The following KIAA0825 variants were observed in gnomAD, a reference collection of about 807,000 sequenced individuals.
KIAA0825 encodes the protein KIAA0825, also known as uncharacterized protein KIAA0825.
A neutral mutation model predicts 147.6 loss-of-function variants in KIAA0825; 119 were observed. That is an observed-to-expected ratio of 0.81 (90% confidence interval 0.69 to 0.94). KIAA0825 has a LOEUF of 0.94. KIAA0825 is among the 40% of genes least tolerant of loss of function. The probability of loss-of-function intolerance (pLI) is 0.00; values close to 1 mark genes in which losing one functional copy is unlikely to be tolerated. For synonymous variants in KIAA0825, 470 were observed against 518.1 expected, an observed-to-expected ratio of 0.91 and a Z score of 1.26; for missense variants, 1,381 against 1,472.7, an observed-to-expected ratio of 0.94 and a Z score of 1.02.
Position 94,462,545 on chromosome 5 carries a change from T to C in KIAA0825, c.2088A>G (p.Ile696Met), listed in dbSNP as rs187593405. ...CTGACCATAACATGTTCTCAGTGCA[T>C]ATCAAAATTGTTGTGACATCAAGTC... ...QLRLDVTTILICTENMLWSVC... is the reference protein window; with the variant it reads ...QLRLDVTTILMCTENMLWSVC... Residue 696 changes from isoleucine (I) to methionine (M), a missense_variant, in exon 12 of 21, where the codon ATA becomes ATG. Transcript: ENST00000682413. The C allele has an allele frequency of 1.1e-5, 17 of 1,510,200 alleles. No individual in the cohort carries two copies. The Admixed American group carries it at 2.1e-4, about 19-fold the overall frequency. The allele number at this position is 1,510,200 out of a possible 1,614,324, so 93.5% of individuals were successfully genotyped here. A position where few individuals can be genotyped will look rare whatever the true frequency, so the allele number is the denominator to read the frequency against.
chr5:94,202,912 G>T (rs1771829421), intron 20 of KIAA0825, among the ~76,000 whole-genome samples: 1 of 152,072 alleles, frequency 6.6e-6, no homozygotes, highest in Non-Finnish European at 1.5e-5. Context: ...TTCTGAGATG[G>T]TGATTTTCAA....
At chr5:94,246,559 A>G (rs890556223) in intron 20 of KIAA0825, among the ~76,000 whole-genome samples, 2 of 152,150 alleles carry the variant, frequency 1.3e-5, no homozygotes, top group East Asian at 1.9e-4. Flanking sequence ...ACTGTTACAT[A>G]TGCATTACCT....
chr5:94,267,640 T>C (rs1776793964), intron 20 of KIAA0825, among the ~76,000 whole-genome samples: 1 of 152,198 alleles, frequency 6.6e-6, no homozygotes, highest in East Asian at 1.9e-4. Context: ...ACCACTCCTT[T>C]ATGAATTTAT....
At position 94,524,111 on chromosome 5, in the gene KIAA0825, G is replaced by A. The variant is rs1181227138; in HGVS notation, c.132-13C>T. Reference sequence around the variant, plus strand: ...GCAATGTTTTATGCTATAAAAAACAGAAGAAAAAGTTATTTTGGCAGGATA... The same window carrying A: ...GCAATGTTTTATGCTATAAAAAACAAAAGAAAAAGTTATTTTGGCAGGATA... On this transcript the variant is annotated splice_polypyrimidine_tract_variant and intron_variant, in intron 3 of 20. Transcript: ENST00000682413. The A allele has an allele frequency of 6.3e-7, 1 of 1,575,862 alleles. No individual in the cohort carries two copies. Among genetic ancestry groups the A allele is most frequent in the African/African-American group, 1.4e-5 (1 of 73,174 alleles).
In KIAA0825 at chr5:94,266,838, A is replaced by G. The variant is rs561338869; in HGVS notation, c.3711-112714T>C. On this transcript the variant is annotated intron_variant, in intron 20 of 20. Transcript: ENST00000682413. ...AAACTTCTCAGTTTTAATTTCTAAA[A>G]TGATAAATGTTAATCAAAATAACCT... Among the ~76,000 whole-genome samples, 495 of 152,308 alleles carry G rather than the reference A, an allele frequency of 3.2e-3. 1 individual carries two copies. The highest frequency in any genetic ancestry group is 0.012 in the African/African-American group (482 of 41,576).
chr5:94,399,916 T>C (rs1437329523), intron 16 of KIAA0825, among the ~76,000 whole-genome samples: 1 of 152,140 alleles, frequency 6.6e-6, no homozygotes, highest in East Asian at 1.9e-4. Context: ...AATAACAATT[T>C]GTTGAATGAG....
chr5:94,522,871 CT>C (rs1768494566), intron 4 of KIAA0825, among the ~76,000 whole-genome samples: 1 of 151,576 alleles, frequency 6.6e-6, no homozygotes, highest in African/African-American at 2.4e-5. Flanking sequence ...AAAGCGTTTG[CT>C]TTTAATTAAA....
At position 94,473,409 on chromosome 5, in the gene KIAA0825, C is replaced by T; in HGVS notation, c.1338G>A (p.Gln446=). 6.4e-7 allele frequency: 1 copy of T among 1,552,028 alleles called. No homozygotes were observed. The highest frequency in any genetic ancestry group is 8.7e-7 in the Non-Finnish European group (1 of 1,147,050). ...IEGFSTKILQ[Q]EQNERSSAVS... ...CAGCTGAAGACCTTTCATTCTGTTC[C>T]TGTTGGAGAATTTTTGTGGAAAAAC... The change falls in exon 8 of 21, where the codon CAG becomes CAA. Residue 446 remains glutamine, a synonymous_variant. Transcript: ENST00000682413.
intron 5 of KIAA0825, among the ~76,000 whole-genome samples, chr5:94,508,634 G>C (rs776434827): frequency 9.9e-5 from 15 of 152,190 alleles, no homozygotes; most frequent in Non-Finnish European, 2.1e-4. Flanking sequence ...AACAGATGCA[G>C]ATGCTGACAA....
intron 20 of KIAA0825, among the ~76,000 whole-genome samples, chr5:94,332,169 A>G (rs1781340374): frequency 1.3e-5 from 2 of 151,080 alleles, no homozygotes. Flanking sequence ...TCAAAAAAAA[A>G]AAAAAAAAAG....
chr5:94,325,518 A>G (rs1423346974), intron 20 of KIAA0825, among the ~76,000 whole-genome samples: 2 of 152,098 alleles, frequency 1.3e-5, no homozygotes. Context: ...ACATAAATCA[A>G]ATATTCAGCA....
At chr5:94,365,122 C>A (rs965170672) in intron 20 of KIAA0825, among the ~76,000 whole-genome samples, 1 of 152,154 alleles carries the variant, frequency 6.6e-6, no homozygotes. Flanking sequence ...GTAAATCGGG[C>A]CCTCAAGCCT....
chr5:94,396,364 A>C lies in KIAA0825; in HGVS notation c.3033T>G (p.Ala1011=). The change falls in exon 17 of 21, where the codon GCT becomes GCG. Residue 1011 remains alanine (A), a synonymous_variant. Coordinates refer to ENST00000682413, the MANE Select transcript of KIAA0825 (RefSeq NM_001145678.3). ...MSKKFVELKK[A]GLLVWNLIVI... is the part of the protein sequence containing the mutation. ...CAATCAAGTTCCAGACAAGCAGGCC[A>C]GCTTTCTTCAATTCAACAAATTTTT... is the stretch of plus-strand genomic sequence containing the variant. The C allele has an allele frequency of 6.4e-7, 1 of 1,551,034 alleles. No homozygotes were observed. Among genetic ancestry groups the C allele is most frequent in the Non-Finnish European group, 8.7e-7 (1 of 1,146,794 alleles).
chr5:94,428,143 TTG>T (rs61572627), intron 14 of KIAA0825, among the ~76,000 whole-genome samples: 14,098 of 134,298 alleles, frequency 0.1, 805 homozygotes, highest in African/African-American at 0.16. Context: ...TAAGGTCTTG[TTG>T]TGTGTGTGTG....
At chr5:94,261,284 G>A (rs1776481150) in intron 20 of KIAA0825, among the ~76,000 whole-genome samples, 1 of 152,064 alleles carries the variant, frequency 6.6e-6, no homozygotes, top group African/African-American at 2.4e-5. Flanking sequence ...GAGCCAGGGT[G>A]ATGGAGTGAG....
chr5:94,541,025 G>C (rs1321028750), intron 2 of KIAA0825, among the ~76,000 whole-genome samples: 1 of 152,178 alleles, frequency 6.6e-6, no homozygotes, highest in East Asian at 1.9e-4. Flanking sequence ...CAAGTCGGAA[G>C]GTCCAAGTAC....
chr5:94,448,620 C>A (rs145117349), intron 13 of KIAA0825, among the ~76,000 whole-genome samples: 5 of 152,128 alleles, frequency 3.3e-5, no homozygotes. Context: ...CCTCTCCTCT[C>A]GGCCTTCCCT....
intron 20 of KIAA0825, among the ~76,000 whole-genome samples, chr5:94,241,564 T>C (rs1190669430): frequency 1.3e-5 from 2 of 152,252 alleles, no homozygotes; most frequent in African/African-American, 4.8e-5. Context: ...ATTCACTTGA[T>C]GATGAATGAA....
chr5:94,163,148 G>C (rs888103492), intron 20 of KIAA0825, among the ~76,000 whole-genome samples: 2 of 152,116 alleles, frequency 1.3e-5, no homozygotes, highest in African/African-American at 4.8e-5. Flanking sequence ...TTAAAAATGA[G>C]ATAGTGGTAT....
Sources: allele counts gnomAD v4.1 joint callset (sites outside exome capture counted in the v4.1 genomes callset), GRCh38; gene constraint gnomAD v4.1.1; transcripts MANE v1.5; gene names NCBI Gene and HGNC (gene_info 2026-07-23, HGNC 2026-07-21).